Variants in NFKBIE observed in about 807,000 individuals in gnomAD.
NFKBIE encodes the protein NF-kappa-B inhibitor epsilon.
A neutral mutation model predicts 31.6 loss-of-function variants in NFKBIE; 11 were observed. The ratio of observed to expected loss-of-function variants is 0.35; its 90% confidence interval spans 0.22 to 0.58. The LOEUF (loss-of-function observed/expected upper bound fraction) is 0.58, where lower values mean the gene tolerates loss of function less well. Among genes scored for constraint, NFKBIE ranks in the 20% least tolerant of loss-of-function variants. The pLI is 0.83. For missense variants in NFKBIE, 354 were observed against 465.7 expected, an observed-to-expected ratio of 0.76 and a Z score of 2.21; for synonymous variants, 208 against 210.1, an observed-to-expected ratio of 0.99 and a Z score of 0.09.
Position 44,259,141 on chromosome 6 carries a change from G to T in NFKBIE, c.*78C>A. On this transcript the variant is annotated 3_prime_UTR_variant, in exon 6 of 6. Transcript: ENST00000619360. Reference sequence around the variant, plus strand: ...GGGCACCAGAAGAGCACATAGCCTGGGCCCAAACTGCAGCAGTTATGGCTC... The same window carrying T: ...GGGCACCAGAAGAGCACATAGCCTGTGCCCAAACTGCAGCAGTTATGGCTC... 6.7e-7 allele frequency: 1 copy of T among 1,484,448 alleles called. No individual in the cohort carries two copies. Among genetic ancestry groups the T allele is most frequent in the Non-Finnish European group, 9.4e-7 (1 of 1,066,354 alleles). 92.0% of individuals were successfully genotyped at this position (1,484,448 alleles called of 1,614,324 possible). A position where few individuals can be genotyped will look rare whatever the true frequency, so the allele number is the denominator to read the frequency against.
chr6:44,261,969 T>A lies in NFKBIE; in HGVS notation c.469-121A>T. The A allele has an allele frequency of 2.3e-6, 2 of 865,308 alleles. No individual in the cohort carries two copies. Among genetic ancestry groups the A allele is most frequent in the Non-Finnish European group, 3.5e-6 (2 of 579,618 alleles). The allele number at this position is 865,308 out of a possible 1,614,324, so 53.6% of individuals were successfully genotyped here. A position where few individuals can be genotyped will look rare whatever the true frequency, so the allele number is the denominator to read the frequency against. Reference sequence around the variant, plus strand: ...CTTTGAAAGCAGCTTATAAAGGCCATAACCTGTTCTTCCAAGGAAATACTA... The same window carrying A: ...CTTTGAAAGCAGCTTATAAAGGCCAAAACCTGTTCTTCCAAGGAAATACTA... On this transcript the variant is annotated intron_variant, in intron 2 of 5. Transcript: ENST00000619360. This position sits in a 1 kb window ranked among gnomAD's most constrained non-coding sequence, Gnocchi z 4.3.
chr6:44,265,529 G>A lies in NFKBIE; in HGVS notation c.-183C>T. ...AGCGAGGACAAGGTTCGGAGCGCTG[G>A]CCAGGTCCACCCAGCGGTTACTGTG... On this transcript the variant is annotated 5_prime_UTR_variant, in exon 1 of 6. Coordinates refer to ENST00000619360, the MANE Select transcript of NFKBIE (RefSeq NM_004556.3). 3 of 1,568,284 alleles carry A rather than the reference G, an allele frequency of 1.9e-6. No individual in the cohort carries two copies. Among genetic ancestry groups the A allele is most frequent in the East Asian group, 2.3e-5 (1 of 43,004 alleles).
chr6:44,260,324 G>A lies in NFKBIE; in HGVS notation c.781-42C>T, dbSNP rs1234203212. On this transcript the variant is annotated intron_variant, in intron 4 of 5. Transcript: ENST00000619360. The surrounding 1 kb of genome is among the most constrained non-coding windows in gnomAD (Gnocchi z 5.5). The stretch of plus-strand genomic sequence containing the variant: ...ATGTCAGCCAAGGCCCTCAGAGGCA[G>A]TGTGCTGGGCCTGGGCTCTGGATAA... 6.2e-7 allele frequency: 1 copy of A among 1,606,296 alleles called. No homozygotes were observed. Among genetic ancestry groups the A allele is most frequent in the Middle Eastern group, 1.7e-4 (1 of 6,032 alleles).
In NFKBIE at chr6:44,264,282, C is replaced by T. The variant is rs34333330; in HGVS notation, c.365+700G>A. Among the ~76,000 whole-genome samples, 75 of 152,362 alleles carry T rather than the reference C, an allele frequency of 4.9e-4. 1 individual carries two copies. Among genetic ancestry groups the T allele is most frequent in the Non-Finnish European group, 9.3e-4 (63 of 68,038 alleles). On this transcript the variant is annotated intron_variant, in intron 1 of 5. Transcript: ENST00000619360. ...CTTTTACTTCAACTGCCCTCTGGCC[C>T]ACTCCCACCAAACTCCATCTGGGTC...
chr6:44,261,015 C>G lies in NFKBIE; in HGVS notation c.692-476G>C, dbSNP rs567373155. 6.6e-6 allele frequency among the ~76,000 whole-genome samples: 1 copy of G among 152,276 alleles called. No homozygotes were observed. The highest frequency in any genetic ancestry group is 2.4e-5 in the African/African-American group (1 of 41,552). ...TCCCCTGGCCTTTTTGCTCTCCTTTCTAGTCTGGACACTCCCGACCCTTGC... is the reference window on the plus strand; with the variant it reads ...TCCCCTGGCCTTTTTGCTCTCCTTTGTAGTCTGGACACTCCCGACCCTTGC... On this transcript the variant is annotated intron_variant, in intron 3 of 5. Transcript: ENST00000619360. This position sits in a 1 kb window ranked among gnomAD's most constrained non-coding sequence, Gnocchi z 4.3.
rs1273245641 is a variant in NFKBIE at position 44,260,852 on chromosome 6, CACATACAG to C, written c.692-321_692-314del. On this transcript the variant is annotated intron_variant, in intron 3 of 5. Coordinates refer to ENST00000619360, the MANE Select transcript of NFKBIE (RefSeq NM_004556.3). The surrounding 1 kb of genome is among the most constrained non-coding windows in gnomAD (Gnocchi z 5.5). The stretch of plus-strand genomic sequence containing the variant: ...ACACACACACACACACACACACACA[CACATACAG>C]ACACACACACACACACACACACACA... 4.6e-3 allele frequency among the ~76,000 whole-genome samples: 339 copies of C among 73,864 alleles called. 7 individuals are homozygous for C. Among genetic ancestry groups the C allele is most frequent in the Admixed American group, 5.5e-3 (37 of 6,754 alleles). 48.5% of individuals were successfully genotyped at this position (73,864 alleles called of 152,430 possible).
At position 44,260,314 on chromosome 6, in the gene NFKBIE, C is replaced by G. The variant is rs1055429335; in HGVS notation, c.781-32G>C. On this transcript the variant is annotated intron_variant, in intron 4 of 5. Coordinates refer to ENST00000619360, the MANE Select transcript of NFKBIE (RefSeq NM_004556.3). This position sits in a 1 kb window ranked among gnomAD's most constrained non-coding sequence, Gnocchi z 5.5. ...AGGAATAAGGATGTCAGCCAAGGCC[C>G]TCAGAGGCAGTGTGCTGGGCCTGGG... 6.8e-6 allele frequency: 11 copies of G among 1,606,058 alleles called. No individual in the cohort carries two copies. The African/African-American group carries it at 1.2e-4, about 18-fold the overall frequency.
Position 44,260,064 on chromosome 6 carries a change from C to T in NFKBIE, c.999G>A (p.Thr333=), listed in dbSNP as rs1312948391. ...DSLLRNVEDE[T]PQDLTEESLV... is the part of the protein sequence containing the mutation. ...TTACTTCCTCAGTCAGGTCCTGGGG[C>T]GTCTCATCCTCCACATTCCGCAGCA... The change falls in exon 5 of 6, where the codon ACG becomes ACA. Residue 333 remains threonine, a synonymous_variant. Transcript: ENST00000619360. This position sits in a 1 kb window ranked among gnomAD's most constrained non-coding sequence, Gnocchi z 5.5. 1.1e-5 allele frequency: 18 copies of T among 1,613,930 alleles called. No homozygotes were observed. Among genetic ancestry groups the T allele is most frequent in the Non-Finnish European group, 1.4e-5 (17 of 1,179,910 alleles).
At position 44,265,174 on chromosome 6, in the gene NFKBIE, G is replaced by T. The variant is rs1451347113; in HGVS notation, c.173C>A (p.Pro58Gln). 6.4e-7 allele frequency: 1 copy of T among 1,551,760 alleles called. No individual in the cohort carries two copies. Among genetic ancestry groups the T allele is most frequent in the Non-Finnish European group, 8.7e-7 (1 of 1,147,064 alleles). The change falls in exon 1 of 6, where the codon CCA becomes CAA. Residue 58 changes from proline to glutamine, a missense_variant. Coordinates refer to ENST00000619360, the MANE Select transcript of NFKBIE (RefSeq NM_004556.3). Reference protein sequence around the residue: ...CTHPPGPVKEPQEKEDADGER... With the variant: ...CTHPPGPVKEQQEKEDADGER... ...CCCATCCGCGTCTTCCTTCTCCTGT[G>T]GTTCCTTGACGGGTCCCGGAGGATG...
rs1781795823 is a variant in NFKBIE at position 44,259,116 on chromosome 6, G to C, written c.*103C>G. The stretch of plus-strand genomic sequence containing the variant: ...CAGGCTCTGGCCACAGCAGTCCCTA[G>C]GGCACCAGAAGAGCACATAGCCTGG... On this transcript the variant is annotated 3_prime_UTR_variant, in exon 6 of 6. Coordinates refer to ENST00000619360, the MANE Select transcript of NFKBIE (RefSeq NM_004556.3). The C allele has an allele frequency of 8.1e-7, 1 of 1,234,482 alleles. No homozygotes were observed. Among genetic ancestry groups the C allele is most frequent in the African/African-American group, 1.5e-5 (1 of 67,266 alleles). 76.5% of individuals were successfully genotyped at this position (1,234,482 alleles called of 1,614,324 possible). A position where few individuals can be genotyped will look rare whatever the true frequency, so the allele number is the denominator to read the frequency against.
At position 44,265,212 on chromosome 6, in the gene NFKBIE, G is replaced by A. The variant is rs1367758432; in HGVS notation, c.135C>T (p.Pro45=). Residue 45 remains proline, a synonymous_variant, in exon 1 of 6, where the codon CCC becomes CCT. Coordinates refer to ENST00000619360, the MANE Select transcript of NFKBIE (RefSeq NM_004556.3). ...GTCCCGGAGGATGGGTGCAGGGCTG[G>A]GGGCTGCCGTCCGAGGGCCCGGAGG... ...APASGPSDGS[P]QPCTHPPGPV... 2.6e-6 allele frequency: 4 copies of A among 1,552,090 alleles called. No homozygotes were observed. Among genetic ancestry groups the A allele is most frequent in the South Asian group, 1.2e-5 (1 of 84,094 alleles).
rs554967144 is a variant in NFKBIE, at chr6:44,259,009, A to G, written c.*210T>C. ...GGGGGTCTTCCAAGAAGCCCTGTCC[A>G]CCTGGAAAGCTCTTCCTTCCAGACT... On this transcript the variant is annotated 3_prime_UTR_variant, in exon 6 of 6. Coordinates refer to ENST00000619360, the MANE Select transcript of NFKBIE (RefSeq NM_004556.3). 1 of 451,142 alleles carries G rather than the reference A, an allele frequency of 2.2e-6. No individual in the cohort carries two copies. The highest frequency in any genetic ancestry group is 4.1e-6 in the Non-Finnish European group (1 of 243,832). 27.9% of individuals were successfully genotyped at this position (451,142 alleles called of 1,614,324 possible). A position where few individuals can be genotyped will look rare whatever the true frequency, so the allele number is the denominator to read the frequency against.
Position 44,265,029 on chromosome 6 carries a change from G to C in NFKBIE, c.318C>G (p.Ser106Arg). The change falls in exon 1 of 6, where the codon AGC becomes AGG. Residue 106 changes from serine to arginine, a missense_variant. By Grantham distance (110) the Ser-to-Arg change is moderately radical. Transcript: ENST00000619360. The part of the protein sequence containing the change: ...RLPLPHVGAL[S>R]PQQLEALTYI... ...AAGTGAGTGCTTCCAGCTGCTGAGG[G>C]CTCAGCGCCCCCACGTGGGGGAGTG... The C allele has an allele frequency of 6.3e-7, 1 of 1,585,616 alleles. No homozygotes were observed. Among genetic ancestry groups the C allele is most frequent in the Non-Finnish European group, 8.6e-7 (1 of 1,166,160 alleles).
At position 44,263,233 on chromosome 6, in the gene NFKBIE, ACCAGGTCGGG is replaced by A. The variant is rs934930175; in HGVS notation, c.366-581_366-572del. 2.6e-5 allele frequency among the ~76,000 whole-genome samples: 4 copies of A among 152,236 alleles called. No individual in the cohort carries two copies. Among genetic ancestry groups the A allele is most frequent in the African/African-American group, 9.6e-5 (4 of 41,456 alleles). ...AAGAGGCACCTCTCAGATAGCACAGACCAGGTCGGGCCTAACAGAGGCCCTCCATTCCTGT... is the reference window on the plus strand; with the variant it reads ...AAGAGGCACCTCTCAGATAGCACAGACCTAACAGAGGCCCTCCATTCCTGT... On this transcript the variant is annotated intron_variant, in intron 1 of 5. Transcript: ENST00000619360. The surrounding 1 kb of genome is among the most constrained non-coding windows in gnomAD (Gnocchi z 5.0).
Position 44,265,037 on chromosome 6 carries a change from C to A in NFKBIE, c.310G>T (p.Ala104Ser). ...APRLPLPHVG[A>S]LSPQQLEALT... ...GCTTCCAGCTGCTGAGGGCTCAGCG[C>A]CCCCACGTGGGGGAGTGGCAGGCGT... The change falls in exon 1 of 6, where the codon GCG becomes TCG. Residue 104 changes from alanine to serine, a missense_variant. By Grantham distance (99) the Ala-to-Ser change is moderately conservative. Coordinates refer to ENST00000619360, the MANE Select transcript of NFKBIE (RefSeq NM_004556.3). The A allele has an allele frequency of 6.3e-7, 1 of 1,585,008 alleles. No individual in the cohort carries two copies. Among genetic ancestry groups the A allele is most frequent in the Non-Finnish European group, 8.6e-7 (1 of 1,165,762 alleles).
At position 44,260,478 on chromosome 6, in the gene NFKBIE, A is replaced by G. The variant is rs1348022287; in HGVS notation, c.753T>C (p.Leu251=). ...GCACATCAATGTCAGCTCCATTCCG[A>G]AGCAGCAATTCCATGAGTGGTTGGT... The part of the protein sequence containing the change: ...QKNQPLMELL[L]RNGADIDVQE... Residue 251 remains leucine, a synonymous_variant, in exon 4 of 6, where the codon CTT becomes CTC. Coordinates refer to ENST00000619360, the MANE Select transcript of NFKBIE (RefSeq NM_004556.3). This position sits in a 1 kb window ranked among gnomAD's most constrained non-coding sequence, Gnocchi z 5.5. 1 of 1,614,108 alleles carries G rather than the reference A, an allele frequency of 6.2e-7. No individual in the cohort carries two copies. Among genetic ancestry groups the G allele is most frequent in the South Asian group, 1.1e-5 (1 of 91,076 alleles).
At chr6:44,259,592 G>T (rs543015118) in intron 5 of NFKBIE, among the ~76,000 whole-genome samples, 87 of 151,696 alleles carry the variant, frequency 5.7e-4, no homozygotes, top group Non-Finnish European at 1.1e-3. Context: ...GGGGTGGGGG[G>T]GCTGCTGGGT....
At chr6:44,264,871 G>T in intron 1 of NFKBIE, 111 bp downstream of exon 1, 1 of 1,186,084 alleles carries the variant, frequency 8.4e-7, no homozygotes, top group Non-Finnish European at 1.2e-6. Context: ...GTTTGGAAGA[G>T]CGAATGGGGA....
Position 44,260,140 on chromosome 6 carries a change from C to A in NFKBIE, c.923G>T (p.Arg308Leu). 1 of 1,614,230 alleles carries A rather than the reference C, an allele frequency of 6.2e-7. No homozygotes were observed. The highest frequency in any genetic ancestry group is 8.5e-7 in the Non-Finnish European group (1 of 1,180,044). Reference protein sequence around the residue: ...GCTPLHLAAGRGLMGISSTLC... With the variant: ...GCTPLHLAAGLGLMGISSTLC... ...AGTGGATGAGATGCCCATGAGACCC[C>A]GGCCAGCTGCCAGGTGCAGGGGTGT... The change falls in exon 5 of 6, where the codon CGG becomes CTG. Residue 308 changes from arginine to leucine, a missense_variant. Coordinates refer to ENST00000619360, the MANE Select transcript of NFKBIE (RefSeq NM_004556.3). This position sits in a 1 kb window ranked among gnomAD's most constrained non-coding sequence, Gnocchi z 5.5.
Sources: allele counts gnomAD v4.1 joint callset (sites outside exome capture counted in the v4.1 genomes callset), GRCh38; gene constraint gnomAD v4.1.1; non-coding constraint Gnocchi (gnomAD v3.1); transcripts MANE v1.5; gene names NCBI Gene and HGNC (gene_info 2026-07-23, HGNC 2026-07-21).